KIR3DL3: variants seen among roughly 807,000 people sequenced by gnomAD.
The protein encoded by KIR3DL3 is killer cell immunoglobulin-like receptor 3DL3.
In KIR3DL3, 27 loss-of-function variants were observed where a neutral mutation model predicts 34.9. That is an observed-to-expected ratio of 0.77 (90% CI 0.57 to 1.07). The LOEUF (loss-of-function observed/expected upper bound fraction) is 1.07. Ranked by LOEUF, KIR3DL3 falls within the 50% of genes least tolerant of loss-of-function variation. The probability of loss-of-function intolerance (pLI) is 0.00; values close to 1 mark genes in which losing one functional copy is unlikely to be tolerated. For synonymous variants in KIR3DL3, 217 were observed against 200.2 expected (o/e 1.08, Z -0.71); for missense variants, 681 against 528.5 (o/e 1.29, Z -2.83).
chr19:54,731,581 T>G (rs1420428027), intron 5 of KIR3DL3, among the ~76,000 whole-genome samples: 1 of 152,036 alleles, frequency 6.6e-6, no homozygotes, highest in Non-Finnish European at 1.5e-5. Context: ...CATGTTTTTC[T>G]TAATTATCTC....
At chr19:54,734,223 A>G (rs1376582926) in intron 5 of KIR3DL3, among the ~76,000 whole-genome samples, 3 of 151,702 alleles carry the variant, frequency 2.0e-5, no homozygotes, top group Admixed American at 6.6e-5. Flanking sequence ...CTGTGTATCA[A>G]TCCCAATCCA....
Position 54,733,329 on chromosome 19 carries a change from T to C in KIR3DL3, c.950-1924T>C, listed in dbSNP as rs1212386896. Among the ~76,000 whole-genome samples, 3 of 152,100 alleles carry C rather than the reference T, an allele frequency of 2.0e-5. No homozygotes were observed. In the South Asian group the frequency reaches 6.2e-4, roughly 32 times the overall value. ...GGTAGATCACTTAAGGGTAGGAGTTTGAGACCAGCCTGGCCAACATGGTGA... is the reference window on the plus strand; with the variant it reads ...GGTAGATCACTTAAGGGTAGGAGTTCGAGACCAGCCTGGCCAACATGGTGA... On this transcript the variant is annotated intron_variant, in intron 5 of 7. Transcript: ENST00000291860.
chr19:54,725,325 A>G lies in KIR3DL3; in HGVS notation c.70+43A>G, dbSNP rs773374019. ...ACCTTAGGTTGTCATCTCCCCACAT[A>G]AGATGATGCTCCTGAAACGGGAGGC... On this transcript the variant is annotated intron_variant, in intron 2 of 7. Transcript: ENST00000291860. The G allele has an allele frequency of 8.2e-6, 12 of 1,468,362 alleles. No individual in the cohort carries two copies. In the East Asian group the frequency reaches 2.8e-4, roughly 34 times the overall value. 91.0% of individuals were successfully genotyped at this position (1,468,362 alleles called of 1,614,324 possible).
intron 2 of KIR3DL3, 49 bp downstream of exon 2, chr19:54,725,331 A>C: frequency 1.4e-6 from 2 of 1,431,436 alleles, no homozygotes; most frequent in Non-Finnish European, 1.9e-6. Flanking sequence ...ACATAAGATG[A>C]TGCTCCTGAA....
chr19:54,724,843 G>A (rs978825532), intron 1 of KIR3DL3, among the ~76,000 whole-genome samples: 1 of 149,326 alleles, frequency 6.7e-6, no homozygotes, highest in Admixed American at 6.7e-5. Context: ...TGGAGGTGGA[G>A]ATATGGGCCT....
rs544733307 is a variant in KIR3DL3, at chr19:54,727,671, C to T, written c.416C>T (p.Thr139Met). ...HPGPLVKSGE[T>M]VILQCWSDVR... Reference sequence around the variant, plus strand: ...GGTCCCCTGGTGAAATCAGGAGAGACGGTCATCCTGCAATGTTGGTCAGAT... The same window carrying T: ...GGTCCCCTGGTGAAATCAGGAGAGATGGTCATCCTGCAATGTTGGTCAGAT... Residue 139 changes from threonine to methionine, a missense_variant, in exon 4 of 8, where the codon ACG becomes ATG. Coordinates refer to ENST00000291860, the MANE Select transcript of KIR3DL3 (RefSeq NM_153443.5). The T allele has an allele frequency of 1.4e-5, 23 of 1,611,960 alleles. No individual in the cohort carries two copies. The highest frequency in any genetic ancestry group is 9.0e-5 in the East Asian group (4 of 44,662).
At chr19:54,735,900 G>A (rs534575516) in intron 7 of KIR3DL3, 28 bp downstream of exon 7, 1 of 1,605,754 alleles carries the variant, frequency 6.2e-7, no homozygotes. Flanking sequence ...CAGCCTCGTG[G>A]CTAGTCTTAT....
rs2069653671 is a variant in KIR3DL3 at position 54,736,527 on chromosome 19, C to T, written c.*431C>T. On this transcript the variant is annotated 3_prime_UTR_variant, in exon 8 of 8. Coordinates refer to ENST00000291860, the MANE Select transcript of KIR3DL3 (RefSeq NM_153443.5). ...GGCACTTAGATACGTGCTATTCCACCTTTCCTCAGAGTATCTTTCAGCCTT... is the reference window on the plus strand; with the variant it reads ...GGCACTTAGATACGTGCTATTCCACTTTTCCTCAGAGTATCTTTCAGCCTT... 1.0e-5 allele frequency: 2 copies of T among 192,684 alleles called. No individual in the cohort carries two copies. The highest frequency in any genetic ancestry group is 1.9e-4 in the East Asian group (2 of 10,292). The allele number at this position is 192,684 out of a possible 1,614,324, so 11.9% of individuals were successfully genotyped here.
chr19:54,730,917 G>T (rs370240278), intron 5 of KIR3DL3, among the ~76,000 whole-genome samples: 2 of 152,200 alleles, frequency 1.3e-5, no homozygotes, highest in South Asian at 4.1e-4. Context: ...ACTTCGATAC[G>T]CTGATGTCCT....
At position 54,733,066 on chromosome 19, in the gene KIR3DL3, T is replaced by G. The variant is rs1222700555; in HGVS notation, c.950-2187T>G. 5.9e-5 allele frequency among the ~76,000 whole-genome samples: 9 copies of G among 152,298 alleles called. No homozygotes were observed. In the South Asian group the frequency reaches 1.7e-3, roughly 28 times the overall value. ...GAAAGATGGATATAAGCTATGCTTG[T>G]GAGGTAGAATCATTTGCAGGGAGGG... On this transcript the variant is annotated intron_variant, in intron 5 of 7. Transcript: ENST00000291860.
At chr19:54,728,527 G>C (rs1302329709) in intron 4 of KIR3DL3, among the ~76,000 whole-genome samples, 10 of 151,836 alleles carry the variant, frequency 6.6e-5, no homozygotes, top group African/African-American at 2.4e-4. Context: ...GGATTACTGA[G>C]AACAAAAGCC....
In KIR3DL3 at chr19:54,724,474, C is replaced by T. The variant is rs1466402807; in HGVS notation, c.-23C>T. 21 of 1,612,768 alleles carry T rather than the reference C, an allele frequency of 1.3e-5. No individual in the cohort carries two copies. The highest frequency in any genetic ancestry group is 6.7e-5 in the East Asian group (3 of 44,872). The stretch of plus-strand genomic sequence containing the variant: ...CTGCTGAACTGAGCTGGGGCGCAGC[C>T]GCCTGTCTGCACCGGCAGCACCATG... On this transcript the variant is annotated 5_prime_UTR_variant, in exon 1 of 8. Transcript: ENST00000291860.
Position 54,736,124 on chromosome 19 carries a change from A to T in KIR3DL3, c.*28A>T, listed in dbSNP as rs765827057. The T allele has an allele frequency of 1.9e-6, 3 of 1,610,500 alleles. No individual in the cohort carries two copies. The highest frequency in any genetic ancestry group is 1.7e-6 in the Non-Finnish European group (2 of 1,179,218). ...CGGAACTTCCAAATGCTGAGCGCAG[A>T]TCCAAAGTTGTCTTCTGTCCACTAG... On this transcript the variant is annotated 3_prime_UTR_variant, in exon 8 of 8. Transcript: ENST00000291860.
chr19:54,736,003 A>G lies in KIR3DL3; in HGVS notation c.1140A>G (p.Thr380=). 2.5e-6 allele frequency: 4 copies of G among 1,613,622 alleles called. No homozygotes were observed. Among genetic ancestry groups the G allele is most frequent in the Middle Eastern group, 1.6e-4 (1 of 6,062 alleles). Residue 380 remains threonine (T), a synonymous_variant, in exon 8 of 8, where the codon ACA becomes ACG. Coordinates refer to ENST00000291860, the MANE Select transcript of KIR3DL3 (RefSeq NM_153443.5). ...ATGAACAAGACCCTCAGGAGGTGAC[A>G]TACGCACAGTTGAATCACTGCGTTT... ...DSDEQDPQEV[T]YAQLNHCVFT...
intron 4 of KIR3DL3, among the ~76,000 whole-genome samples, chr19:54,728,857 T>C (rs201849144): frequency 0.063 from 9,387 of 147,974 alleles, 831 homozygotes; most frequent in East Asian, 0.47. Context: ...CAGATAGATA[T>C]AGATAGATGA....
At chr19:54,727,231 C>T (rs2146770692) in intron 3 of KIR3DL3, among the ~76,000 whole-genome samples, 1 of 117,776 alleles carries the variant, frequency 8.5e-6, no homozygotes, top group Middle Eastern at 4.4e-3. Context: ...GAGTTCGTAC[C>T]TCCTGCCGGC....
chr19:54,727,750 G>C lies in KIR3DL3; in HGVS notation c.495G>C (p.Leu165Phe). ...LHREGITEDP[L>F]RLVGQLHDAG... is the part of the protein sequence containing the mutation. ...GAGAGGGGATCACTGAGGACCCCTT[G>C]CGCCTCGTTGGACAGCTCCACGATG... The change falls in exon 4 of 8, where the codon TTG becomes TTC. Residue 165 changes from leucine to phenylalanine, a missense_variant. By Grantham distance (22) the Leu-to-Phe change is conservative. Coordinates refer to ENST00000291860, the MANE Select transcript of KIR3DL3 (RefSeq NM_153443.5). 7 of 1,613,050 alleles carry C rather than the reference G, an allele frequency of 4.3e-6. No individual in the cohort carries two copies. The highest frequency in any genetic ancestry group is 5.9e-6 in the Non-Finnish European group (7 of 1,179,776).
At chr19:54,725,422 AG>A (rs2068062461) in intron 2 of KIR3DL3, 140 bp downstream of exon 2, 1 of 726,854 alleles carries the variant, frequency 1.4e-6, no homozygotes, top group Non-Finnish European at 2.2e-6. Flanking sequence ...AACTAGGAAA[AG>A]GAAGCCAGGG....
chr19:54,724,578 T>A (rs1163227135), intron 1 of KIR3DL3, 48 bp downstream of exon 1: 1 of 832,378 alleles, frequency 1.2e-6, no homozygotes, highest in Non-Finnish European at 1.7e-6. Context: ...GGTGGAGATC[T>A]GGGCCTGGAG....
Sources: allele counts gnomAD v4.1 joint callset (sites outside exome capture counted in the v4.1 genomes callset), GRCh38; gene constraint gnomAD v4.1.1; transcripts MANE v1.5; gene names NCBI Gene and HGNC (gene_info 2026-07-23, HGNC 2026-07-21).